CREB3: variants seen among roughly 807,000 people sequenced by gnomAD.
CREB3 encodes cAMP responsive element binding protein 3, also known as cyclic AMP-responsive element-binding protein 3.
In CREB3, 29 loss-of-function variants were observed where a neutral mutation model predicts 34.5. The observed-to-expected ratio is 0.84, with a 90% confidence interval of 0.63 to 1.15. CREB3 has a LOEUF of 1.15. Among genes scored for constraint, CREB3 ranks in the 50% most tolerant of loss-of-function variants. The pLI, the probability that CREB3 is intolerant of heterozygous loss-of-function variation, is 0.00. For missense variants in CREB3, 447 were observed against 443.4 expected (o/e 1.01, Z -0.07); for synonymous variants, 187 against 173.9 (o/e 1.08, Z -0.59).
chr9:35,733,533 C>T (rs939495097), intron 4 of CREB3, 48 bp downstream of exon 4: 1 of 1,321,516 alleles, frequency 7.6e-7, no homozygotes, highest in Non-Finnish European at 1.1e-6. Context: ...ATTAAAAGTC[C>T]CAAGTAGGCA....
chr9:35,733,566 T>C, intron 4 of CREB3, 81 bp downstream of exon 4: 1 of 945,570 alleles, frequency 1.1e-6, no homozygotes, highest in Non-Finnish European at 1.7e-6. Flanking sequence ...TTTATATCAA[T>C]AACTTTAAAA....
Position 35,736,472 on chromosome 9 carries a change from A to C in CREB3, c.862A>C (p.Lys288Gln). 6.2e-7 allele frequency: 1 copy of C among 1,614,156 alleles called. No homozygotes were observed. Among genetic ancestry groups the C allele is most frequent in the South Asian group, 1.1e-5 (1 of 91,082 alleles). The change falls in exon 9 of 9, where the codon AAA (lysine) becomes CAA (glutamine). Residue 288 changes from lysine (K) to glutamine (Q), a missense_variant. Lys to Gln is a moderately conservative substitution (Grantham distance 53, BLOSUM62 1). Transcript: ENST00000353704. ...GCCTGCCCTGCAGTCAGAAGTGCCG[A>C]AAGACAGCACACACCAGTGGTTGGA... ...ELPALQSEVPKDSTHQWLDGS... is the reference protein window; with the variant it reads ...ELPALQSEVPQDSTHQWLDGS...
chr9:35,733,596 T>G, intron 4 of CREB3, 111 bp downstream of exon 4: 1 of 731,858 alleles, frequency 1.4e-6, no homozygotes. Flanking sequence ...GGTGAGAAAC[T>G]TAGTAGATTT....
At position 35,736,548 on chromosome 9, in the gene CREB3, A is replaced by G; in HGVS notation, c.938A>G (p.His313Arg). 6.2e-7 allele frequency: 1 copy of G among 1,614,190 alleles called. No individual in the cohort carries two copies. The highest frequency in any genetic ancestry group is 8.5e-7 in the Non-Finnish European group (1 of 1,180,034). The change falls in exon 9 of 9, where the codon CAT (histidine) becomes CGT (arginine). Residue 313 changes from histidine (H) to arginine (R), a missense_variant. Physicochemically the swap from His to Arg is conservative, Grantham distance 29. Transcript: ENST00000353704. ...CCTGGCAACACTTCCTGCCTGCTGCATTACATGCCTCAGGCTCCCAGTGCA... is the reference window on the plus strand; with the variant it reads ...CCTGGCAACACTTCCTGCCTGCTGCGTTACATGCCTCAGGCTCCCAGTGCA... ...QAPGNTSCLL[H>R]YMPQAPSAEP...
In CREB3 at chr9:35,732,684, G is replaced by T. The variant is rs1826110953; in HGVS notation, c.-89G>T. The stretch of plus-strand genomic sequence containing the variant: ...CCCGGCCGTAGAGGGACAGTGGATA[G>T]GTGCCCGAGGCCTACAGCTGGCCTG... On this transcript the variant is annotated 5_prime_UTR_variant, in exon 1 of 9. In the 5' UTR this introduces an upstream ATG that the reference lacks. Coordinates refer to ENST00000353704, the MANE Select transcript of CREB3 (RefSeq NM_006368.5). This position sits in a 1 kb window ranked among gnomAD's most constrained non-coding sequence, Gnocchi z 5.1. The T allele has an allele frequency of 5.3e-6, 8 of 1,517,888 alleles. No homozygotes were observed. The South Asian group carries it at 7.7e-5, about 15-fold the overall frequency. 94.0% of individuals were successfully genotyped at this position (1,517,888 alleles called of 1,614,324 possible). A position where few individuals can be genotyped will look rare whatever the true frequency, so the allele number is the denominator to read the frequency against.
At chr9:35,735,403 C>A in intron 6 of CREB3, 29 bp downstream of exon 6, 1 of 1,578,120 alleles carries the variant, frequency 6.3e-7, no homozygotes, top group Non-Finnish European at 8.7e-7. Flanking sequence ...CATTCCCTTC[C>A]TATGCCCCTC....
rs1037332661 is a variant in CREB3 at position 35,736,979 on chromosome 9, GAAAT to G, written c.*260_*263del. 48 of 925,382 alleles carry G rather than the reference GAAAT, an allele frequency of 5.2e-5. No individual in the cohort carries two copies. The Admixed American group carries it at 7.5e-4, about 15-fold the overall frequency. The allele number at this position is 925,382 out of a possible 1,614,324, so 57.3% of individuals were successfully genotyped here. A position where few individuals can be genotyped will look rare whatever the true frequency, so the allele number is the denominator to read the frequency against. ...CGCAGTCAGGGAACAGGTGAGGAAA[GAAAT>G]AAATAAGTGATTCTAATGCTGCCTA... On this transcript the variant is annotated 3_prime_UTR_variant, in exon 9 of 9. Transcript: ENST00000353704.
At position 35,735,299 on chromosome 9, in the gene CREB3, C is replaced by T. The variant is rs772169597; in HGVS notation, c.543-7C>T. 58 of 1,613,410 alleles carry T rather than the reference C, an allele frequency of 3.6e-5. No individual in the cohort carries two copies. The highest frequency in any genetic ancestry group is 4.8e-5 in the Non-Finnish European group (57 of 1,179,498). Reference sequence around the variant, plus strand: ...CCATATCCCCGTATCTTTGTTATTTCCCCCAGGGTCTTGAAATACACAGCC... The same window carrying T: ...CCATATCCCCGTATCTTTGTTATTTTCCCCAGGGTCTTGAAATACACAGCC... On this transcript the variant is annotated splice_region_variant and splice_polypyrimidine_tract_variant and intron_variant, in intron 5 of 8. Coordinates refer to ENST00000353704, the MANE Select transcript of CREB3 (RefSeq NM_006368.5).
Position 35,732,874 on chromosome 9 carries a change from A to G in CREB3, c.102A>G (p.Pro34=), listed in dbSNP as rs780695932. 1.8e-5 allele frequency: 29 copies of G among 1,614,022 alleles called. No individual in the cohort carries two copies. The highest frequency in any genetic ancestry group is 2.3e-5 in the Non-Finnish European group (27 of 1,180,014). The part of the protein sequence containing the change: ...GTAPDEAVRA[P]LDWALPLSEV... ...CACCCGATGAGGCCGTGAGGGCCCC[A>G]CTGGACTGGGCGCTGCCGCTTTCTG... Residue 34 remains proline, a synonymous_variant, in exon 1 of 9, where the codon CCA becomes CCG. Transcript: ENST00000353704. This position sits in a 1 kb window ranked among gnomAD's most constrained non-coding sequence, Gnocchi z 5.1.
Position 35,732,847 on chromosome 9 carries a change from G to A in CREB3, c.75G>A (p.Thr25=), listed in dbSNP as rs775676207. 1 of 1,614,252 alleles carries A rather than the reference G, an allele frequency of 6.2e-7. No homozygotes were observed. The highest frequency in any genetic ancestry group is 8.5e-7 in the Non-Finnish European group (1 of 1,180,040). Residue 25 remains threonine (T), a synonymous_variant, in exon 1 of 9, where the codon ACG becomes ACA. Transcript: ENST00000353704. This position sits in a 1 kb window ranked among gnomAD's most constrained non-coding sequence, Gnocchi z 5.1. ...FLLEESGDLG[T]APDEAVRAPL... ...TAGAGGAAAGTGGAGATTTGGGGAC[G>A]GCACCCGATGAGGCCGTGAGGGCCC... is the stretch of plus-strand genomic sequence containing the variant.
chr9:35,736,512 T>G lies in CREB3; in HGVS notation c.902T>G (p.Val301Gly), dbSNP rs1826215518. ...CAGTGGTTGGACGGCTCAGACTGTG[T>G]ACTCCAGGCCCCTGGCAACACTTCC... ...THQWLDGSDC[V>G]LQAPGNTSCL... is the part of the protein sequence containing the mutation. The change falls in exon 9 of 9, where the codon GTA becomes GGA. Residue 301 changes from valine (V) to glycine (G), a missense_variant. By Grantham distance (109) the Val-to-Gly change is moderately radical (BLOSUM62 -3). Transcript: ENST00000353704. 1.2e-6 allele frequency: 2 copies of G among 1,614,070 alleles called. No individual in the cohort carries two copies. Among genetic ancestry groups the G allele is most frequent in the Non-Finnish European group, 1.7e-6 (2 of 1,180,040 alleles).
rs1189130763 is a variant in CREB3 at position 35,736,661 on chromosome 9, A to G, written c.1051A>G (p.Arg351Gly). 1.2e-6 allele frequency: 2 copies of G among 1,613,294 alleles called. No homozygotes were observed. Among genetic ancestry groups the G allele is most frequent in the Admixed American group, 1.7e-5 (1 of 60,026 alleles). ...CCTCCCCCTGCAGGCAAATCTCACA[A>G]GGAAGGGAGGATGGCTTCCTACTGG... Reference protein sequence around the residue: ...PILPLQANLTRKGGWLPTGSP... With the variant: ...PILPLQANLTGKGGWLPTGSP... Residue 351 changes from arginine to glycine, a missense_variant, in exon 9 of 9, where the codon AGG becomes GGG. Arg to Gly is a moderately radical substitution (Grantham distance 125). Transcript: ENST00000353704.
At chr9:35,734,397 CAG>C (rs1431192967) in intron 4 of CREB3, among the ~76,000 whole-genome samples, 3 of 152,008 alleles carry the variant, frequency 2.0e-5, no homozygotes, top group African/African-American at 2.4e-5. Flanking sequence ...ACATCTTTGA[CAG>C]ATACTAAGAG....
chr9:35,733,909 C>T (rs892941687), intron 4 of CREB3, among the ~76,000 whole-genome samples: 54 of 152,066 alleles, frequency 3.6e-4, no homozygotes, highest in African/African-American at 1.2e-3. Flanking sequence ...CAATGAGTGG[C>T]AACTTCACAA....
intron 4 of CREB3, among the ~76,000 whole-genome samples, chr9:35,734,410 G>A (rs777955169): frequency 1.3e-5 from 2 of 151,940 alleles, no homozygotes; most frequent in Non-Finnish European, 2.9e-5. Context: ...ATACTAAGAG[G>A]ATGCAGTCTA....
At chr9:35,736,202 T>C in intron 7 of CREB3, 25 bp from the exon 8 acceptor site, 1 of 1,613,324 alleles carries the variant, frequency 6.2e-7, no homozygotes, top group South Asian at 1.1e-5. Context: ...GAGCCCTTCT[T>C]CATCTCCTTT....
intron 5 of CREB3, 32 bp from the exon 6 acceptor site, chr9:35,735,274 C>T (rs992564227): frequency 2.5e-6 from 4 of 1,606,448 alleles, no homozygotes; most frequent in Non-Finnish European, 3.4e-6. Context: ...AGGATACAGG[C>T]CATATCCCCG....
At chr9:35,736,178 G>T (rs1315880864) in intron 7 of CREB3, 46 bp downstream of exon 7, 1 of 1,611,692 alleles carries the variant, frequency 6.2e-7, no homozygotes, top group East Asian at 2.2e-5. Flanking sequence ...AGTTGGTGGG[G>T]ACAGGGCAAT....
At position 35,736,874 on chromosome 9, in the gene CREB3, T is replaced by C. The variant is rs2131929464; in HGVS notation, c.*148T>C. 1.3e-6 allele frequency: 1 copy of C among 797,660 alleles called. No homozygotes were observed. The highest frequency in any genetic ancestry group is 2.6e-5 in the East Asian group (1 of 38,352). 49.4% of individuals were successfully genotyped at this position (797,660 alleles called of 1,614,324 possible). ...AAACACACCACACTTAATGGCTTTCTGGGTCTTTTATTTGTACCCATGTGT... is the reference window on the plus strand; with the variant it reads ...AAACACACCACACTTAATGGCTTTCCGGGTCTTTTATTTGTACCCATGTGT... On this transcript the variant is annotated 3_prime_UTR_variant, in exon 9 of 9. Coordinates refer to ENST00000353704, the MANE Select transcript of CREB3 (RefSeq NM_006368.5).
Sources: gnomAD v4.1 joint callset for allele counts (sites outside exome capture counted in the v4.1 genomes callset) on GRCh38, gnomAD v4.1.1 for gene constraint, Gnocchi (gnomAD v3.1) non-coding constraint, MANE v1.5 for transcripts, NCBI Gene and HGNC (gene_info 2026-07-23, HGNC 2026-07-21) for gene names.